The following CLNK variants were observed in gnomAD, a reference collection of about 807,000 sequenced individuals.
CLNK encodes cytokine-dependent hematopoietic cell linker.
A neutral mutation model predicts 68.6 loss-of-function variants in CLNK; 74 were observed. That is an observed-to-expected ratio of 1.08 (90% CI 0.89 to 1.31). The LOEUF (loss-of-function observed/expected upper bound fraction) is 1.31. Among genes scored for constraint, CLNK ranks in the 50% most tolerant of loss-of-function variants. The pLI is 0.00. For missense variants in CLNK, 553 were observed against 515.3 expected (o/e 1.07, Z -0.71); for synonymous variants, 198 against 172.2 (o/e 1.15, Z -1.17).
rs143814669 is a variant in CLNK, at chr4:10,644,486, T to C, written c.11+23373A>G. Among the ~76,000 whole-genome samples, 12 of 152,296 alleles carry C rather than the reference T, an allele frequency of 7.9e-5. No homozygotes were observed. In the East Asian group the frequency reaches 2.1e-3, roughly 27 times the overall value. ...TGAGACACACTGAGGTTTGGTCGCA[T>C]GTAAATTCTTTCCCAGCTAGTAGAA... On this transcript the variant is annotated intron_variant, in intron 2 of 18. Coordinates refer to ENST00000226951, the MANE Select transcript of CLNK (RefSeq NM_052964.4).
intron 8 of CLNK, among the ~76,000 whole-genome samples, chr4:10,549,683 G>A (rs142989432): frequency 6.3e-4 from 96 of 152,246 alleles, no homozygotes; most frequent in Non-Finnish European, 1.2e-3. Flanking sequence ...ATTATAGTAT[G>A]AAAAATTAGA....
chr4:10,585,904 G>A (rs563275281), intron 3 of CLNK, among the ~76,000 whole-genome samples: 1 of 152,268 alleles, frequency 6.6e-6, no homozygotes, highest in South Asian at 2.1e-4. Context: ...AACCATTTTG[G>A]CATCAGGGAC....
intron 4 of CLNK, 141 bp downstream of exon 4, chr4:10,584,786 G>A: frequency 1.1e-6 from 1 of 889,894 alleles, no homozygotes; most frequent in South Asian, 1.6e-5. Context: ...GGGGCAACTG[G>A]AAGGAATGGC....
chr4:10,492,115 G>A (rs1426394471), intron 18 of CLNK, among the ~76,000 whole-genome samples: 1 of 152,174 alleles, frequency 6.6e-6, no homozygotes, highest in African/African-American at 2.4e-5. Flanking sequence ...ACAGGGCAGG[G>A]GGAATGATCT....
chr4:10,677,593 T>C (rs1278038790), intron 1 of CLNK, among the ~76,000 whole-genome samples: 1 of 152,002 alleles, frequency 6.6e-6, no homozygotes, highest in Non-Finnish European at 1.5e-5. Context: ...GTTCTTGTGA[T>C]AGTGGGTGAG....
intron 2 of CLNK, among the ~76,000 whole-genome samples, chr4:10,610,776 AC>A (rs1319311889): frequency 3.5e-3 from 3 of 848 alleles, no homozygotes. Flanking sequence ...AAAGCAACAC[AC>A]ACACACACAC....
chr4:10,575,816 T>C (rs1720540571), intron 4 of CLNK, among the ~76,000 whole-genome samples: 1 of 152,258 alleles, frequency 6.6e-6, no homozygotes, highest in African/African-American at 2.4e-5. Context: ...TTGATCCACA[T>C]TGGATTGTGA....
chr4:10,658,051 C>T (rs1380134711), intron 2 of CLNK, among the ~76,000 whole-genome samples: 3 of 152,152 alleles, frequency 2.0e-5, no homozygotes, highest in Non-Finnish European at 1.5e-5. Flanking sequence ...CCCATTGTTC[C>T]TCAAGGTCAG....
Position 10,566,166 on chromosome 4 carries a change from C to G in CLNK, c.151-16G>C. On this transcript the variant is annotated splice_polypyrimidine_tract_variant and intron_variant, in intron 5 of 18. Transcript: ENST00000226951. ...AGTTTCTTTCCTAAGCAGGTGGTAACATTCCAGTGAGTCAAAGGAAGGTAC... is the reference window on the plus strand; with the variant it reads ...AGTTTCTTTCCTAAGCAGGTGGTAAGATTCCAGTGAGTCAAAGGAAGGTAC... The G allele has an allele frequency of 6.2e-7, 1 of 1,612,796 alleles. No individual in the cohort carries two copies.
chr4:10,679,389 G>A (rs908602366), intron 1 of CLNK, among the ~76,000 whole-genome samples: 13 of 152,174 alleles, frequency 8.5e-5, no homozygotes, highest in African/African-American at 3.1e-4. Context: ...AGACTTACAT[G>A]TTAGACCTAA....
the CLNK span, among the ~76,000 whole-genome samples, chr4:10,704,796 G>A: frequency 1.3e-5 from 2 of 152,208 alleles, no homozygotes; most frequent in African/African-American, 4.8e-5. Flanking sequence ...CCTGAACTTG[G>A]AACAATAAAT....
At chr4:10,490,689 T>C (rs1716532496) in intron 18 of CLNK, 76 bp from the exon 19 acceptor site, 1 of 1,223,616 alleles carries the variant, frequency 8.2e-7, no homozygotes, top group Admixed American at 2.2e-5. Flanking sequence ...GCCAAGGTGC[T>C]TCATTTTGCA....
chr4:10,615,542 ACAC>A lies in CLNK; in HGVS notation c.12-17496_12-17494del, dbSNP rs1358350110. 1.4e-4 allele frequency among the ~76,000 whole-genome samples: 21 copies of A among 151,970 alleles called. No individual in the cohort carries two copies. In the East Asian group the frequency reaches 3.1e-3, roughly 22 times the overall value. The stretch of plus-strand genomic sequence containing the variant: ...AAAAAACAAAACAAAACAAAACAAA[ACAC>A]CAAGAAAGAAAAAAAATGAAAAAGA... On this transcript the variant is annotated intron_variant, in intron 2 of 18. Coordinates refer to ENST00000226951, the MANE Select transcript of CLNK (RefSeq NM_052964.4).
intron 4 of CLNK, among the ~76,000 whole-genome samples, chr4:10,580,259 CTG>C (rs1343542510): frequency 6.6e-6 from 1 of 152,206 alleles, no homozygotes; most frequent in African/African-American, 2.4e-5. Context: ...AACAAGCTCA[CTG>C]TGCTGCCAGT....
At chr4:10,528,390 C>A in intron 12 of CLNK, among the ~76,000 whole-genome samples, 1 of 152,188 alleles carries the variant, frequency 6.6e-6, no homozygotes, top group East Asian at 1.9e-4. Flanking sequence ...CTTAGAAATA[C>A]TCTTATTCTT....
rs16869971 is a variant in CLNK, at chr4:10,570,287, T to C, written c.150+1454A>G. Among the ~76,000 whole-genome samples the C allele has an allele frequency of 6.2e-3, 939 of 152,180 alleles. 12 individuals carry two copies. Among genetic ancestry groups the C allele is most frequent in the African/African-American group, 0.022 (910 of 41,506 alleles). ...CACCCAATACCTTTGCTAGACTTGG[T>C]AGAGTCAGGACATGATAAGAAGGCT... On this transcript the variant is annotated intron_variant, in intron 5 of 18. Transcript: ENST00000226951.
intron 3 of CLNK, among the ~76,000 whole-genome samples, chr4:10,588,542 T>C (rs892457903): frequency 6.6e-6 from 1 of 152,170 alleles, no homozygotes; most frequent in African/African-American, 2.4e-5. Flanking sequence ...TGAGCACCTG[T>C]TTGGGCACTA....
intron 1 of CLNK, among the ~76,000 whole-genome samples, chr4:10,677,915 C>T (rs1013850999): frequency 1.3e-5 from 2 of 151,972 alleles, no homozygotes; most frequent in Non-Finnish European, 2.9e-5. Context: ...AATTTAGTTT[C>T]CGTTATACAG....
chr4:10,721,385 C>G, the CLNK span, among the ~76,000 whole-genome samples: 1 of 152,128 alleles, frequency 6.6e-6, no homozygotes, highest in Non-Finnish European at 1.5e-5. Context: ...CTGCATGAGA[C>G]TCTACAATCA....
Sources: allele counts gnomAD v4.1 joint callset (sites outside exome capture counted in the v4.1 genomes callset), GRCh38; gene constraint gnomAD v4.1.1; transcripts MANE v1.5; gene names NCBI Gene and HGNC (gene_info 2026-07-23, HGNC 2026-07-21).